Variants in RALGAPA2 observed in about 807,000 individuals in gnomAD.
The protein encoded by RALGAPA2 is ral GTPase-activating protein subunit alpha-2.
A neutral mutation model predicts 230.4 loss-of-function variants in RALGAPA2; 139 were observed. The observed-to-expected ratio is 0.60, with a 90% CI of 0.53 to 0.69. RALGAPA2 has a LOEUF of 0.69. Ranked by LOEUF, RALGAPA2 falls within the 30% of genes least tolerant of loss-of-function variation. The probability of loss-of-function intolerance (pLI) is 0.00; values close to 1 mark genes in which losing one functional copy is unlikely to be tolerated. For missense variants in RALGAPA2, 2,163 were observed against 2,276.0 expected (o/e 0.95, Z 1.01); for synonymous variants, 847 against 837.8 (o/e 1.01, Z -0.19).
intron 23 of RALGAPA2, among the ~76,000 whole-genome samples, chr20:20,554,345 A>G (rs1288820515): frequency 6.6e-6 from 1 of 152,206 alleles, no homozygotes; most frequent in East Asian, 1.9e-4. Context: ...TTCTTAGTTA[A>G]TAATACTTAA....
At chr20:20,549,351 C>T (rs2063859330) in intron 23 of RALGAPA2, among the ~76,000 whole-genome samples, 1 of 152,144 alleles carries the variant, frequency 6.6e-6, no homozygotes, top group Non-Finnish European at 1.5e-5. Context: ...ACATGGCTCC[C>T]TCACCCCCTG....
intron 35 of RALGAPA2, among the ~76,000 whole-genome samples, chr20:20,496,379 A>G (rs1419800662): frequency 6.6e-6 from 1 of 152,170 alleles, no homozygotes; most frequent in Non-Finnish European, 1.5e-5. Flanking sequence ...AGTGACAAAG[A>G]ATCAAAGTGT....
At chr20:20,543,158 C>T (rs1054281768) in intron 24 of RALGAPA2, among the ~76,000 whole-genome samples, 6 of 152,134 alleles carry the variant, frequency 3.9e-5, no homozygotes, top group African/African-American at 1.4e-4. Flanking sequence ...GATTCTCCTG[C>T]CTCAGCCTCC....
At chr20:20,504,768 G>A (rs1039620844) in intron 34 of RALGAPA2, among the ~76,000 whole-genome samples, 5 of 151,720 alleles carry the variant, frequency 3.3e-5, no homozygotes, top group Admixed American at 2.6e-4. Flanking sequence ...AATTATTTTA[G>A]ATATGTTGAT....
At chr20:20,696,045 C>T (rs544512129) in intron 1 of RALGAPA2, among the ~76,000 whole-genome samples, 1 of 152,096 alleles carries the variant, frequency 6.6e-6, no homozygotes, top group African/African-American at 2.4e-5. Context: ...TTGGGGATAA[C>T]AGCAAGCCCG....
At chr20:20,508,336 G>C (rs1438077815) in intron 33 of RALGAPA2, among the ~76,000 whole-genome samples, 1 of 152,204 alleles carries the variant, frequency 6.6e-6, no homozygotes, top group African/African-American at 2.4e-5. Context: ...AGGTAATTCA[G>C]AAACACACAT....
intron 10 of RALGAPA2, among the ~76,000 whole-genome samples, chr20:20,623,514 A>C (rs945774342): frequency 1.4e-4 from 22 of 152,006 alleles, no homozygotes; most frequent in Non-Finnish European, 3.2e-4. Context: ...AAAAAAAAAA[A>C]ACAAATCCAC....
rs370762908 is a variant in RALGAPA2 at position 20,412,101 on chromosome 20, C to T, written c.5543G>A (p.Arg1848His). ...GAAATCCTCGAATGTCATTACTTCG[C>T]GGTGGTTCTGAATTATTGCTTCGAG... is the stretch of plus-strand genomic sequence containing the variant. ...LYLEAIIQNHREVMTFEDFAA... is the reference protein window; with the variant it reads ...LYLEAIIQNHHEVMTFEDFAA... The change falls in exon 38 of 40, where the codon CGC becomes CAC. Residue 1848 changes from arginine to histidine, a missense_variant. By Grantham distance (29) the Arg-to-His change is conservative. Transcript: ENST00000202677. The T allele has an allele frequency of 5.0e-5, 80 of 1,613,812 alleles. No individual in the cohort carries two copies. The highest frequency in any genetic ancestry group is 2.4e-4 in the African/African-American group (18 of 74,912).
At chr20:20,473,660 G>T (rs1175756685) in intron 36 of RALGAPA2, among the ~76,000 whole-genome samples, 1 of 152,128 alleles carries the variant, frequency 6.6e-6, no homozygotes, top group Non-Finnish European at 1.5e-5. Flanking sequence ...TTTTAATAGA[G>T]ACTGGCTTTT....
intron 23 of RALGAPA2, among the ~76,000 whole-genome samples, chr20:20,549,483 G>T (rs1317475538): frequency 6.6e-6 from 1 of 152,082 alleles, no homozygotes; most frequent in African/African-American, 2.4e-5. Context: ...GCGCCCTGAG[G>T]AGACACAGCG....
At chr20:20,569,428 A>C (rs1202048306) in intron 23 of RALGAPA2, among the ~76,000 whole-genome samples, 1 of 152,178 alleles carries the variant, frequency 6.6e-6, no homozygotes, top group Non-Finnish European at 1.5e-5. Context: ...GAGATTTATG[A>C]TATCCTCATT....
At chr20:20,527,761 T>A (rs920662841) in intron 27 of RALGAPA2, among the ~76,000 whole-genome samples, 1 of 152,212 alleles carries the variant, frequency 6.6e-6, no homozygotes, top group Non-Finnish European at 1.5e-5. Context: ...CTTTAATGCC[T>A]AGCATGGCCC....
chr20:20,411,028 G>A (rs967057714), intron 38 of RALGAPA2, among the ~76,000 whole-genome samples: 1 of 152,206 alleles, frequency 6.6e-6, no homozygotes, highest in African/African-American at 2.4e-5. Context: ...ATTTGTAAGT[G>A]ATTTATTTCA....
At chr20:20,454,172 G>A (rs1315730621) in intron 37 of RALGAPA2, among the ~76,000 whole-genome samples, 1 of 152,232 alleles carries the variant, frequency 6.6e-6, no homozygotes, top group Non-Finnish European at 1.5e-5. Flanking sequence ...GCAGTGGCCT[G>A]TGAGGTGCAG....
chr20:20,680,876 AAAG>A (rs2068495228), intron 1 of RALGAPA2, 75 bp from the exon 2 acceptor site: 1 of 1,500,328 alleles, frequency 6.7e-7, no homozygotes, highest in African/African-American at 1.4e-5. Context: ...ACTTCTCAGA[AAAG>A]AAGGCAAGTA....
chr20:20,702,003 G>A (rs2069394670), intron 1 of RALGAPA2, among the ~76,000 whole-genome samples: 1 of 150,396 alleles, frequency 6.6e-6, no homozygotes, highest in Non-Finnish European at 1.5e-5. Context: ...TCGCACCACT[G>A]CACTCTAGCC....
At chr20:20,648,979 C>T (rs1048872217) in intron 4 of RALGAPA2, among the ~76,000 whole-genome samples, 48 of 152,082 alleles carry the variant, frequency 3.2e-4, no homozygotes, top group African/African-American at 4.6e-4. Flanking sequence ...TATTGTTTAA[C>T]GCAAGAAGAG....
chr20:20,658,224 C>T (rs563248911), intron 3 of RALGAPA2, among the ~76,000 whole-genome samples: 1 of 152,298 alleles, frequency 6.6e-6, no homozygotes, highest in East Asian at 1.9e-4. Flanking sequence ...CAAAATCTTA[C>T]ACAACAAGTC....
intron 23 of RALGAPA2, among the ~76,000 whole-genome samples, chr20:20,564,524 G>GA (rs1489095961): frequency 3.3e-5 from 5 of 152,166 alleles, no homozygotes; most frequent in Non-Finnish European, 7.3e-5. Context: ...ACCATGGCAG[G>GA]AAAAAATATT....
Sources: allele counts gnomAD v4.1 joint callset (sites outside exome capture counted in the v4.1 genomes callset), GRCh38; gene constraint gnomAD v4.1.1; transcripts MANE v1.5; gene names NCBI Gene and HGNC (gene_info 2026-07-23, HGNC 2026-07-21).